The following PHTF1 variants were observed in gnomAD, a reference collection of about 807,000 sequenced individuals.
PHTF1 encodes protein PHTF1.
PHTF1 carries 88 observed loss-of-function variants against 102.4 expected under a neutral mutation model. The observed-to-expected ratio is 0.86, with a 90% CI of 0.72 to 1.03. The LOEUF is 1.03. Ranked by LOEUF, PHTF1 falls within the 50% of genes least tolerant of loss-of-function variation. The pLI, the probability that PHTF1 is intolerant of heterozygous loss-of-function variation, is 0.00. For missense variants in PHTF1, 814 were observed against 909.5 expected (o/e 0.89, Z 1.35); for synonymous variants, 289 against 305.2 (o/e 0.95, Z 0.55).
intron 7 of PHTF1, among the ~76,000 whole-genome samples, chr1:113,717,405 T>C (rs1467213443): frequency 6.6e-6 from 1 of 152,014 alleles, no homozygotes; most frequent in African/African-American, 2.4e-5. Flanking sequence ...AACTAAACTT[T>C]CTAATCAAAA....
intron 3 of PHTF1, among the ~76,000 whole-genome samples, chr1:113,748,159 T>C (rs1657507534): frequency 6.6e-6 from 1 of 152,100 alleles, no homozygotes; most frequent in African/African-American, 2.4e-5. Flanking sequence ...TAAATTTTAT[T>C]GTAGAGATAG....
chr1:113,756,657 A>AT (rs1408404860), intron 3 of PHTF1, among the ~76,000 whole-genome samples: 2 of 152,212 alleles, frequency 1.3e-5, no homozygotes, highest in African/African-American at 4.8e-5. Context: ...CAACCATTCC[A>AT]TGATGAATTT....
intron 3 of PHTF1, among the ~76,000 whole-genome samples, chr1:113,752,193 G>C (rs908707332): frequency 6.6e-6 from 1 of 151,914 alleles, no homozygotes; most frequent in Non-Finnish European, 1.5e-5. Context: ...TCTAAGCAAT[G>C]TTTTATAGTT....
At chr1:113,728,007 A>G (rs1031920469) in intron 5 of PHTF1, among the ~76,000 whole-genome samples, 1 of 152,074 alleles carries the variant, frequency 6.6e-6, no homozygotes, top group Non-Finnish European at 1.5e-5. Context: ...TGAAGCGGAA[A>G]TGGACAAATG....
At chr1:113,715,425 G>T (rs527342395) in intron 7 of PHTF1, among the ~76,000 whole-genome samples, 66 of 151,960 alleles carry the variant, frequency 4.3e-4, no homozygotes, top group Non-Finnish European at 8.4e-4. Flanking sequence ...GAGGCCAAGG[G>T]ACAGGTGGAT....
intron 6 of PHTF1, among the ~76,000 whole-genome samples, chr1:113,725,154 C>T (rs1294884970): frequency 6.6e-6 from 1 of 152,094 alleles, no homozygotes; most frequent in Non-Finnish European, 1.5e-5. Context: ...AAAAAAATTT[C>T]TACTTGTATG....
At chr1:113,735,461 A>C (rs1655349243) in intron 5 of PHTF1, among the ~76,000 whole-genome samples, 1 of 150,586 alleles carries the variant, frequency 6.6e-6, no homozygotes, top group African/African-American at 2.4e-5. Context: ...TCTACATATG[A>C]TAGACTGTAC....
Position 113,724,821 on chromosome 1 carries a change from T to A in PHTF1, c.561A>T (p.Gly187=). The A allele has an allele frequency of 6.2e-7, 1 of 1,611,642 alleles. No individual in the cohort carries two copies. The highest frequency in any genetic ancestry group is 8.5e-7 in the Non-Finnish European group (1 of 1,178,486). ...NGNNSSDKVR[G]IETLESVPII... is the part of the protein sequence containing the mutation. ...TGGGTACAGATTCCAAAGTTTCTATTCCTCTGACTTTATCAGAGGAGTTAT... is the reference window on the plus strand; with the variant it reads ...TGGGTACAGATTCCAAAGTTTCTATACCTCTGACTTTATCAGAGGAGTTAT... The change falls in exon 7 of 19, where the codon GGA becomes GGT. Residue 187 remains glycine (G), a synonymous_variant. Transcript: ENST00000369604.
intron 18 of PHTF1, among the ~76,000 whole-genome samples, chr1:113,697,944 A>G (rs1431964314): frequency 1.3e-5 from 2 of 152,222 alleles, no homozygotes; most frequent in Admixed American, 6.5e-5. Context: ...CATTCATTCT[A>G]CATCTGTACA....
intron 5 of PHTF1, among the ~76,000 whole-genome samples, 168 bp downstream of exon 5, chr1:113,737,942 T>C (rs1655767265): frequency 6.6e-6 from 1 of 152,244 alleles, no homozygotes; most frequent in African/African-American, 2.4e-5. Flanking sequence ...GTTTGCTCTC[T>C]CATAGCAGAT....
chr1:113,744,047 T>C (rs1378859733), intron 3 of PHTF1, among the ~76,000 whole-genome samples: 3 of 152,216 alleles, frequency 2.0e-5, no homozygotes, highest in Non-Finnish European at 4.4e-5. Flanking sequence ...TTTGAGAGGT[T>C]CAATGGGCAT....
Position 113,713,419 on chromosome 1 carries a change from T to A in PHTF1, c.643A>T (p.Ile215Leu), listed in dbSNP as rs776442298. Residue 215 changes from isoleucine to leucine, a missense_variant, in exon 8 of 19, where the codon ATA (isoleucine) becomes TTA (leucine). Ile to Leu is a conservative substitution (Grantham distance 5, BLOSUM62 2). Transcript: ENST00000369604. ...FGNRIKRVKL[I>L]SNKGTETDND... ...TCAGTTTCAGTCCCTTTGTTAGATA[T>A]TAATTTTACTCTTTTAATCCTATTT... 6.4e-7 allele frequency: 1 copy of A among 1,565,848 alleles called. No individual in the cohort carries two copies.
rs750246079 is a variant in PHTF1 at position 113,738,808 on chromosome 1, A to C, written c.103-9T>G. On this transcript the variant is annotated splice_polypyrimidine_tract_variant and intron_variant, in intron 3 of 18. Transcript: ENST00000369604. ...GGTTTGTTTTTCAAACCCTAGGATA[A>C]AACAAAACAAAAATAAAATCAGAAA... 3 of 1,530,226 alleles carry C rather than the reference A, an allele frequency of 2.0e-6. No homozygotes were observed. In the African/African-American group the frequency reaches 4.2e-5, roughly 21 times the overall value. 94.8% of individuals were successfully genotyped at this position (1,530,226 alleles called of 1,614,324 possible). A position where few individuals can be genotyped will look rare whatever the true frequency, so the allele number is the denominator to read the frequency against.
chr1:113,714,966 G>C (rs1273688372), intron 7 of PHTF1: 3 of 152,294 alleles, frequency 2.0e-5, no homozygotes, highest in Non-Finnish European at 4.4e-5. Flanking sequence ...AGTTAGGGAA[G>C]AGAACAAGAG....
At chr1:113,742,198 C>A (rs11102679) in intron 3 of PHTF1, among the ~76,000 whole-genome samples, 3 of 152,186 alleles carry the variant, frequency 2.0e-5, no homozygotes, top group Non-Finnish European at 4.4e-5. Flanking sequence ...TTACTACACA[C>A]CTAGGCTATA....
intron 5 of PHTF1, among the ~76,000 whole-genome samples, chr1:113,731,899 T>C (rs1277313256): frequency 7.3e-6 from 1 of 136,826 alleles, no homozygotes; most frequent in East Asian, 2.1e-4. Flanking sequence ...GCCGTCTCAA[T>C]TTTAAAAAAA....
chr1:113,728,084 G>A (rs1029607560), intron 5 of PHTF1, among the ~76,000 whole-genome samples: 9 of 152,148 alleles, frequency 5.9e-5, no homozygotes, highest in South Asian at 2.1e-4. Context: ...GCAAGACTCC[G>A]TCTCAGGGAT....
At chr1:113,757,530 C>G (rs979051927) in intron 3 of PHTF1, among the ~76,000 whole-genome samples, 169 bp downstream of exon 3, 10 of 152,124 alleles carry the variant, frequency 6.6e-5, no homozygotes, top group African/African-American at 1.2e-4. Context: ...GATAGTGAGG[C>G]CAAAAATCAA....
chr1:113,754,155 A>G (rs6668022), intron 3 of PHTF1, among the ~76,000 whole-genome samples: 1 of 152,176 alleles, frequency 6.6e-6, no homozygotes, highest in Non-Finnish European at 1.5e-5. Context: ...TCATGCCTAT[A>G]ATCTCGGCAC....
Sources: gnomAD v4.1 joint callset for allele counts (sites outside exome capture counted in the v4.1 genomes callset) on GRCh38, gnomAD v4.1.1 for gene constraint, MANE v1.5 for transcripts, NCBI Gene and HGNC (gene_info 2026-07-23, HGNC 2026-07-21) for gene names.